The following FRMPD1 variants were observed in gnomAD, a reference collection of about 807,000 sequenced individuals.
FRMPD1 encodes the protein FERM and PDZ domain containing 1.
In FRMPD1, 76 loss-of-function variants were observed where a neutral mutation model predicts 117.8. The observed-to-expected ratio is 0.65, with a 90% CI of 0.54 to 0.78. FRMPD1 has a LOEUF of 0.78. Among genes scored for constraint, FRMPD1 ranks in the 30% least tolerant of loss-of-function variants. FRMPD1 has a pLI of 0.00. For missense variants in FRMPD1, 1,786 were observed against 1,964.5 expected, an observed-to-expected ratio of 0.91 and a Z score of 1.72; for synonymous variants, 783 against 770.4, an observed-to-expected ratio of 1.02 and a Z score of -0.27.
intron 7 of FRMPD1, among the ~76,000 whole-genome samples, chr9:37,728,246 A>G (rs1823700841): frequency 6.6e-6 from 1 of 152,206 alleles, no homozygotes; most frequent in Admixed American, 6.5e-5. Flanking sequence ...AGGAATTGGG[A>G]ATGGAGGTCT....
At chr9:37,616,792 A>T in the FRMPD1 span, among the ~76,000 whole-genome samples, 1 of 152,046 alleles carries the variant, frequency 6.6e-6, no homozygotes, top group Non-Finnish European at 1.5e-5. Context: ...GATTAGACAG[A>T]CCCCTCAGGG....
intron 1 of FRMPD1, among the ~76,000 whole-genome samples, chr9:37,652,897 G>T (rs2119357096): frequency 6.6e-6 from 1 of 152,336 alleles, no homozygotes; most frequent in Non-Finnish European, 1.5e-5. Flanking sequence ...TAAGGAGGGT[G>T]AATTCCAAGT....
At chr9:37,737,059 T>A in intron 13 of FRMPD1, 37 bp from the exon 14 acceptor site, 1 of 1,572,058 alleles carries the variant, frequency 6.4e-7, no homozygotes, top group Non-Finnish European at 8.8e-7. Context: ...TGTCCCTTGG[T>A]CCTTGATAAA....
At chr9:37,606,211 G>A in the FRMPD1 span, among the ~76,000 whole-genome samples, 1 of 152,174 alleles carries the variant, frequency 6.6e-6, no homozygotes, top group Non-Finnish European at 1.5e-5. Flanking sequence ...GAGAAGGAAA[G>A]AAACCTGCTC....
chr9:37,603,442 A>T, the FRMPD1 span, among the ~76,000 whole-genome samples: 1 of 152,190 alleles, frequency 6.6e-6, no homozygotes, highest in Non-Finnish European at 1.5e-5. Context: ...GTTAGGTCAG[A>T]GATGTGTTTA....
chr9:37,639,603 C>G, the FRMPD1 span, among the ~76,000 whole-genome samples: 7 of 152,190 alleles, frequency 4.6e-5, no homozygotes, highest in African/African-American at 1.7e-4. Context: ...CGTAACACCT[C>G]TCAGTAAAAG....
At chr9:37,741,711 C>T (rs548437855) in intron 15 of FRMPD1, among the ~76,000 whole-genome samples, 86 of 152,320 alleles carry the variant, frequency 5.6e-4, no homozygotes, top group Middle Eastern at 3.4e-3. Context: ...GTGACATGGC[C>T]TCTGCCTGTC....
chr9:37,711,570 A>G (rs548207582), intron 5 of FRMPD1, among the ~76,000 whole-genome samples, 175 bp downstream of exon 5: 181 of 152,288 alleles, frequency 1.2e-3, no homozygotes, highest in African/African-American at 4.0e-3. Flanking sequence ...CCTCCATGCA[A>G]GTACTGTGGA....
chr9:37,607,240 C>T, the FRMPD1 span, among the ~76,000 whole-genome samples: 14 of 152,106 alleles, frequency 9.2e-5, no homozygotes, highest in Admixed American at 7.9e-4. Context: ...CACTTGAACC[C>T]GAGAGGCGGA....
At chr9:37,620,517 T>TAA in the FRMPD1 span, among the ~76,000 whole-genome samples, 11,860 of 146,330 alleles carry the variant, frequency 0.081, 1,461 homozygotes, top group African/African-American at 0.27. Context: ...CATCATGATT[T>TAA]AAAAAAAAAA....
chr9:37,639,704 C>A, the FRMPD1 span, among the ~76,000 whole-genome samples: 1 of 152,146 alleles, frequency 6.6e-6, no homozygotes, highest in Non-Finnish European at 1.5e-5. Context: ...TCCCAGGACA[C>A]TATTCCACCT....
At chr9:37,699,074 G>A (rs1023827365) in intron 2 of FRMPD1, among the ~76,000 whole-genome samples, 1 of 152,098 alleles carries the variant, frequency 6.6e-6, no homozygotes, top group African/African-American at 2.4e-5. Context: ...AGTGTTTCAT[G>A]TTGGCCAGGC....
the FRMPD1 span, among the ~76,000 whole-genome samples, chr9:37,637,963 GCTTTCTTTCTTTCTTTCTTTCTTTCTTT>G: frequency 2.0e-5 from 2 of 100,030 alleles, no homozygotes; most frequent in Non-Finnish European, 4.1e-5. Flanking sequence ...AATGGTGTAT[GCTTTCTTTCTTTCTTTCTTTCTTTCTTT>G]CTTTCTTTCT....
chr9:37,736,003 A>ATTT (rs199807390), intron 13 of FRMPD1, among the ~76,000 whole-genome samples: 10 of 144,402 alleles, frequency 6.9e-5, no homozygotes, highest in Admixed American at 2.1e-4. Context: ...ACACCAGAGG[A>ATTT]TTTTTTTTTT....
the FRMPD1 span, among the ~76,000 whole-genome samples, chr9:37,605,636 A>G: frequency 6.6e-6 from 1 of 152,180 alleles, no homozygotes; most frequent in Non-Finnish European, 1.5e-5. Flanking sequence ...CCTGGTTTGT[A>G]CAGCAGATAA....
Position 37,700,617 on chromosome 9 carries a change from AGTATC to A in FRMPD1, c.102-6798_102-6794del, listed in dbSNP as rs1479829840. Reference sequence around the variant, plus strand: ...GCCAGAGAATATGTGAAGTGCAATCAGTATCCATCTGGTAGTTTTCCTTTTCAGTG... The same window carrying A: ...GCCAGAGAATATGTGAAGTGCAATCACATCTGGTAGTTTTCCTTTTCAGTG... On this transcript the variant is annotated intron_variant, in intron 2 of 15. Coordinates refer to ENST00000377765, the MANE Select transcript of FRMPD1 (RefSeq NM_014907.3). Among the ~76,000 whole-genome samples the A allele has an allele frequency of 5.2e-5, 8 of 152,382 alleles. No individual in the cohort carries two copies. The South Asian group carries it at 1.0e-3, about 20-fold the overall frequency.
rs1820964138 is a variant in FRMPD1, at chr9:37,660,326, G to A, written c.-5+9232G>A. Among the ~76,000 whole-genome samples, 3 of 152,188 alleles carry A rather than the reference G, an allele frequency of 2.0e-5. No individual in the cohort carries two copies. In the South Asian group the frequency reaches 6.2e-4, roughly 31 times the overall value. The stretch of plus-strand genomic sequence containing the variant: ...CAGGGAGATCTAGGAGGGCTTCTGG[G>A]AGGGACTGGCATTTGAACCGAGCCC... On this transcript the variant is annotated intron_variant, in intron 1 of 15. Transcript: ENST00000377765.
chr9:37,629,483 C>A, the FRMPD1 span, among the ~76,000 whole-genome samples: 2 of 152,192 alleles, frequency 1.3e-5, no homozygotes, highest in Non-Finnish European at 2.9e-5. Flanking sequence ...CCCCAACCTT[C>A]GCTTCCTCCA....
chr9:37,692,131 T>TTA (rs1822160310), intron 1 of FRMPD1, among the ~76,000 whole-genome samples: 2 of 152,198 alleles, frequency 1.3e-5, no homozygotes, highest in Non-Finnish European at 2.9e-5. Flanking sequence ...TAAGCTAGTG[T>TTA]TGAATTATGT....
Sources: gnomAD v4.1 joint callset for allele counts (sites outside exome capture counted in the v4.1 genomes callset) on GRCh38, gnomAD v4.1.1 for gene constraint, MANE v1.5 for transcripts, NCBI Gene and HGNC (gene_info 2026-07-23, HGNC 2026-07-21) for gene names.